JMJD1C: variants seen among roughly 807,000 people sequenced by gnomAD.
The protein encoded by JMJD1C is jumonji domain containing 1C, also known as jumonji domain-containing protein 1C.
A neutral mutation model predicts 245.3 loss-of-function variants in JMJD1C; 31 were observed. The observed-to-expected ratio is 0.13, with a 90% CI of 0.09 to 0.17. The LOEUF is 0.17. JMJD1C is among the 10% of genes least tolerant of loss of function. The pLI is 1.00. For synonymous variants in JMJD1C, 1,057 were observed against 1,017.4 expected, an observed-to-expected ratio of 1.04 and a Z score of -0.74; for missense variants, 2,691 against 3,000.2, an observed-to-expected ratio of 0.90 and a Z score of 2.41.
chr10:63,185,254 G>GC (rs1264238939), intron 20 of JMJD1C, among the ~76,000 whole-genome samples: 1 of 152,104 alleles, frequency 6.6e-6, no homozygotes, highest in East Asian at 1.9e-4. Flanking sequence ...CCTCAGCCAC[G>GC]CAAGTAGCTG....
chr10:63,231,615 G>GA (rs1850007622), intron 3 of JMJD1C, among the ~76,000 whole-genome samples: 1 of 152,076 alleles, frequency 6.6e-6, no homozygotes, highest in South Asian at 2.1e-4. Context: ...GCAACATGGT[G>GA]AAACTCCGTC....
At chr10:63,437,660 G>C (rs779983748) in intron 1 of JMJD1C, among the ~76,000 whole-genome samples, 1 of 152,034 alleles carries the variant, frequency 6.6e-6, no homozygotes, top group Non-Finnish European at 1.5e-5. Context: ...CAAATGCCTT[G>C]TCAATAATCT....
chr10:63,314,111 A>G (rs1193690338), intron 2 of JMJD1C, among the ~76,000 whole-genome samples: 1 of 152,216 alleles, frequency 6.6e-6, no homozygotes, highest in Non-Finnish European at 1.5e-5. Context: ...GTGAGAGACG[A>G]GGATCCAGTT....
At chr10:63,290,610 A>T (rs1009456745) in intron 2 of JMJD1C, among the ~76,000 whole-genome samples, 3 of 152,188 alleles carry the variant, frequency 2.0e-5, no homozygotes, top group African/African-American at 4.8e-5. Flanking sequence ...AAGCGATAAT[A>T]TAGGGAAAAG....
chr10:63,199,576 C>A (rs1589128061), intron 11 of JMJD1C, among the ~76,000 whole-genome samples: 1 of 152,072 alleles, frequency 6.6e-6, no homozygotes, highest in East Asian at 1.9e-4. Context: ...CTGAACATTT[C>A]TTTCCTTCAG....
At chr10:63,372,771 GA>G (rs1946411924) in intron 2 of JMJD1C, among the ~76,000 whole-genome samples, 1 of 152,234 alleles carries the variant, frequency 6.6e-6, no homozygotes, top group African/African-American at 2.4e-5. Context: ...ATTAAGGGAA[GA>G]CAGACATGCA....
chr10:63,254,669 T>C (rs1853598323), intron 3 of JMJD1C, among the ~76,000 whole-genome samples: 2 of 150,548 alleles, frequency 1.3e-5, no homozygotes, highest in Admixed American at 1.3e-4. Context: ...GCCTCCCAAG[T>C]AGTTGGGACT....
At chr10:63,433,551 T>G (rs1034954716) in intron 1 of JMJD1C, among the ~76,000 whole-genome samples, 4 of 151,240 alleles carry the variant, frequency 2.6e-5, no homozygotes, top group Admixed American at 6.6e-5. Context: ...CAAACTCTAC[T>G]GGGCAAGAAA....
In JMJD1C at chr10:63,197,456, C is replaced by T. The variant is rs750965749; in HGVS notation, c.5599G>A (p.Val1867Ile). Residue 1867 changes from valine to isoleucine, a missense_variant, in exon 13 of 26, where the codon GTC becomes ATC. Around this residue, in one of 9 missense-constraint regions of JMJD1C, gnomAD observed 139 missense variants for 270.5 expected, o/e 0.51. Transcript: ENST00000399262. Reference sequence around the variant, plus strand: ...TTTGCCTTGTAACAATCTAAGCAGACCACAAATCCACATTTTTGGCAGACC... The same window carrying T: ...TTTGCCTTGTAACAATCTAAGCAGATCACAAATCCACATTTTTGGCAGACC... The part of the protein sequence containing the change: ...HWVCQKCGFV[V>I]CLDCYKAKER... 1.2e-6 allele frequency: 2 copies of T among 1,613,570 alleles called. No individual in the cohort carries two copies. Among genetic ancestry groups the T allele is most frequent in the Non-Finnish European group, 1.7e-6 (2 of 1,179,828 alleles).
intron 1 of JMJD1C, among the ~76,000 whole-genome samples, chr10:63,389,959 T>C (rs1024053863): frequency 6.6e-6 from 1 of 152,076 alleles, no homozygotes; most frequent in East Asian, 1.9e-4. Flanking sequence ...TCAAATACAG[T>C]GTCAAACCAT....
At chr10:63,330,961 T>C (rs910339350) in intron 2 of JMJD1C, among the ~76,000 whole-genome samples, 8 of 152,204 alleles carry the variant, frequency 5.3e-5, no homozygotes, top group African/African-American at 1.7e-4. Flanking sequence ...CCTCTAAGGC[T>C]CTGCACAGTC....
chr10:63,186,461 C>A, intron 18 of JMJD1C, 78 bp from the exon 19 acceptor site: 2 of 1,211,414 alleles, frequency 1.7e-6, no homozygotes, highest in Non-Finnish European at 1.1e-6. Context: ...TTGTTTGAGA[C>A]AGAGTCTTGC....
At chr10:63,426,491 T>C (rs1950447270) in intron 1 of JMJD1C, among the ~76,000 whole-genome samples, 1 of 152,124 alleles carries the variant, frequency 6.6e-6, no homozygotes, top group African/African-American at 2.4e-5. Flanking sequence ...ACCAACATGG[T>C]GAAACCCCGT....
intron 2 of JMJD1C, among the ~76,000 whole-genome samples, chr10:63,305,350 G>A (rs1246771666): frequency 7.4e-6 from 1 of 135,414 alleles, no homozygotes; most frequent in Non-Finnish European, 1.5e-5. Flanking sequence ...CCTGGCGACG[G>A]AGCAAGACTC....
In JMJD1C at chr10:63,345,137, G is replaced by A. The variant is rs142038355; in HGVS notation, c.333+35181C>T. On this transcript the variant is annotated intron_variant, in intron 2 of 25. Coordinates refer to ENST00000399262, the MANE Select transcript of JMJD1C (RefSeq NM_032776.3). ...AAAAGTAGAATGGGTATCTGTTAGCGGGTGAATGGATAATCTAACTGTGGT... is the reference window on the plus strand; with the variant it reads ...AAAAGTAGAATGGGTATCTGTTAGCAGGTGAATGGATAATCTAACTGTGGT... Among the ~76,000 whole-genome samples the A allele has an allele frequency of 5.3e-5, 8 of 152,250 alleles. No individual in the cohort carries two copies. The East Asian group carries it at 9.6e-4, about 18-fold the overall frequency.
At chr10:63,260,154 G>A (rs573753813) in intron 3 of JMJD1C, among the ~76,000 whole-genome samples, 11 of 152,156 alleles carry the variant, frequency 7.2e-5, no homozygotes, top group South Asian at 2.1e-4. Context: ...ATAAACATGC[G>A]GTATAATTTT....
Position 63,305,161 on chromosome 10 carries a change from G to A in JMJD1C, c.334-40397C>T, listed in dbSNP as rs199843911. On this transcript the variant is annotated intron_variant, in intron 2 of 25. Transcript: ENST00000399262. ...AGGCGGGCGGATCACAAGGTCAGGA[G>A]ATCGAGACCATCCTCGCCCACATGG... Among the ~76,000 whole-genome samples, 77 of 152,020 alleles carry A rather than the reference G, an allele frequency of 5.1e-4. No individual in the cohort carries two copies. The East Asian group carries it at 0.013, about 25-fold the overall frequency.
At position 63,167,958 on chromosome 10, in the gene JMJD1C, AAGC is replaced by A; in HGVS notation, c.*84_*86del. ...ATTTCTTGGCACTGATGGTTTTATG[AAGC>A]TTAAAGTCAGTGTGCATACATATCA... is the stretch of plus-strand genomic sequence containing the variant. On this transcript the variant is annotated 3_prime_UTR_variant, in exon 26 of 26. Coordinates refer to ENST00000399262, the MANE Select transcript of JMJD1C (RefSeq NM_032776.3). The A allele has an allele frequency of 1.3e-6, 1 of 792,016 alleles. No individual in the cohort carries two copies. Among genetic ancestry groups the A allele is most frequent in the East Asian group, 2.4e-5 (1 of 40,862 alleles). The allele number at this position is 792,016 out of a possible 1,614,324, so 49.1% of individuals were successfully genotyped here.
intron 2 of JMJD1C, among the ~76,000 whole-genome samples, chr10:63,316,025 C>A (rs1940001912): frequency 6.6e-6 from 1 of 151,814 alleles, no homozygotes; most frequent in Non-Finnish European, 1.5e-5. Flanking sequence ...AAAAAATTAG[C>A]CAGGCATGAT....
Sources: allele counts gnomAD v4.1 joint callset (sites outside exome capture counted in the v4.1 genomes callset), GRCh38; gene constraint gnomAD v4.1.1; regional missense constraint gnomAD v4.1.1; transcripts MANE v1.5; gene names NCBI Gene and HGNC (gene_info 2026-07-23, HGNC 2026-07-21).